MAPK3: variants seen among roughly 807,000 people sequenced by gnomAD.
MAPK3 encodes mitogen-activated protein kinase 3.
A neutral mutation model predicts 41.8 loss-of-function variants in MAPK3; 30 were observed. The observed-to-expected ratio is 0.72, with a 90% CI of 0.54 to 0.97. MAPK3 has a LOEUF of 0.97. Ranked by LOEUF, MAPK3 falls within the 50% of genes least tolerant of loss-of-function variation. The pLI, the probability that MAPK3 is intolerant of heterozygous loss-of-function variation, is 0.00. For synonymous variants in MAPK3, 222 were observed against 213.4 expected, an observed-to-expected ratio of 1.04 and a Z score of -0.35; for missense variants, 413 against 509.9, an observed-to-expected ratio of 0.81 and a Z score of 1.83.
At position 30,116,916 on chromosome 16, in the gene MAPK3, T is replaced by TA; in HGVS notation, c.994_995insT (p.Gln332LeufsTer4). ...CACCTCATCCGTCGGGTCATAGTAC[T>TA]GCTCCAGGTAGGGGTGAGCCAGCGC... On this transcript the variant is annotated frameshift_variant, in exon 7 of 9. Coordinates refer to ENST00000263025, the MANE Select transcript of MAPK3 (RefSeq NM_002746.3). LOFTEE classifies it high-confidence loss of function. 9.3e-6 allele frequency: 15 copies of TA among 1,613,964 alleles called. No homozygotes were observed. The highest frequency in any genetic ancestry group is 1.3e-5 in the Non-Finnish European group (15 of 1,179,952).
At chr16:30,122,554 A>C in intron 1 of MAPK3, 1 of 173,636 alleles carries the variant, frequency 5.8e-6, no homozygotes, top group Non-Finnish European at 1.3e-5. Context: ...TGGCCGCCTC[A>C]TCTCTCTCTG....
Position 30,117,210 on chromosome 16 carries a change from A to G in MAPK3, c.851T>C (p.Leu284Pro). 6.2e-7 allele frequency: 1 copy of G among 1,614,136 alleles called. No individual in the cohort carries two copies. The highest frequency in any genetic ancestry group is 8.5e-7 in the Non-Finnish European group (1 of 1,180,004). The change falls in exon 6 of 9, where the codon CTG becomes CCG. Residue 284 changes from leucine (L) to proline (P), a missense_variant. By Grantham distance (98) the Leu-to-Pro change is moderately conservative. Coordinates refer to ENST00000263025, the MANE Select transcript of MAPK3 (RefSeq NM_002746.3). The part of the protein sequence containing the change: ...NMKARNYLQS[L>P]PSKTKVAWAK... Reference sequence around the variant, plus strand: ...CCAAGCCACCTTGGTCTTGGAGGGCAGAGACTGTAGGTAGTTTCGGGCCTT... The same window carrying G: ...CCAAGCCACCTTGGTCTTGGAGGGCGGAGACTGTAGGTAGTTTCGGGCCTT...
intron 1 of MAPK3, 132 bp downstream of exon 1, chr16:30,122,908 A>C: frequency 1.7e-5 from 13 of 762,574 alleles, no homozygotes; most frequent in Admixed American, 4.3e-5. Context: ...GACGCTCCCG[A>C]TCATCCCGAG....
chr16:30,122,301 T>G (rs934647286), intron 1 of MAPK3: 9 of 446,286 alleles, frequency 2.0e-5, no homozygotes, highest in East Asian at 9.1e-5. Flanking sequence ...TTCGCCCCCA[T>G]TCCCAGGAAA....
Position 30,121,836 on chromosome 16 carries a change from G to A in MAPK3, c.341C>T (p.Ala114Val), listed in dbSNP as rs61736373. The part of the protein sequence containing the change: ...RDILRASTLE[A>V]MRDVYIVQDL... Reference sequence around the variant, plus strand: ...AGGTGAAGGATACACATCTCTCATGGCTTCCAGGGTGGACGCCCGCAGAAT... The same window carrying A: ...AGGTGAAGGATACACATCTCTCATGACTTCCAGGGTGGACGCCCGCAGAAT... Residue 114 changes from alanine (A) to valine (V), a missense_variant, in exon 2 of 9, where the codon GCC (alanine) becomes GTC (valine). By Grantham distance (64) the Ala-to-Val change is moderately conservative. Coordinates refer to ENST00000263025, the MANE Select transcript of MAPK3 (RefSeq NM_002746.3). The A allele has an allele frequency of 6.2e-7, 1 of 1,614,002 alleles. No individual in the cohort carries two copies. Among genetic ancestry groups the A allele is most frequent in the Non-Finnish European group, 8.5e-7 (1 of 1,179,990 alleles).
intron 2 of MAPK3, among the ~76,000 whole-genome samples, chr16:30,120,547 A>G (rs1012100947): frequency 3.9e-5 from 6 of 152,158 alleles, no homozygotes; most frequent in African/African-American, 1.4e-4. Context: ...GCAAGGTGCA[A>G]GTCCACAGGT....
In MAPK3 at chr16:30,121,923, G is replaced by A. The variant is rs1375850297; in HGVS notation, c.254C>T (p.Thr85Met). ...CAGCAGGATCTGGATCTCCCGGAGC[G>A]TGCGCTGGCAGTAGGTCTGATGTTC... is the stretch of plus-strand genomic sequence containing the variant. Reference protein sequence around the residue: ...PFEHQTYCQRTLREIQILLRF... With the variant: ...PFEHQTYCQRMLREIQILLRF... The change falls in exon 2 of 9, where the codon ACG becomes ATG. Residue 85 changes from threonine (T) to methionine (M), a missense_variant. Transcript: ENST00000263025. 11 of 1,614,040 alleles carry A rather than the reference G, an allele frequency of 6.8e-6. No individual in the cohort carries two copies. Among genetic ancestry groups the A allele is most frequent in the African/African-American group, 1.3e-5 (1 of 74,926 alleles).
chr16:30,117,988 A>G (rs757058058), intron 4 of MAPK3, 59 bp downstream of exon 4: 2 of 1,467,868 alleles, frequency 1.4e-6, no homozygotes, highest in Admixed American at 3.4e-5. Context: ...GCTCAGAGGT[A>G]GCTCCAGGGC....
chr16:30,114,814 TG>T (rs903120979), intron 8 of MAPK3, 106 bp from the exon 9 acceptor site: 2 of 152,270 alleles, frequency 1.3e-5, no homozygotes, highest in African/African-American at 4.8e-5. Context: ...CTGGATAGGC[TG>T]GGTCTCAGTT....
At chr16:30,120,502 G>C (rs1480035334) in intron 2 of MAPK3, among the ~76,000 whole-genome samples, 1 of 152,096 alleles carries the variant, frequency 6.6e-6, no homozygotes, top group African/African-American at 2.4e-5. Flanking sequence ...GCAGTATTGG[G>C]GGAGGACAGC....
intron 1 of MAPK3, chr16:30,122,831 G>C (rs2073030019): frequency 6.6e-6 from 3 of 454,002 alleles, no homozygotes; most frequent in South Asian, 7.5e-5. Flanking sequence ...AAGCCTCCAA[G>C]CCTGCTCCCC....
intron 8 of MAPK3, among the ~76,000 whole-genome samples, chr16:30,115,169 T>A (rs1567353467): frequency 6.6e-6 from 1 of 151,794 alleles, no homozygotes; most frequent in Non-Finnish European, 1.5e-5. Flanking sequence ...CAGTGAGCTA[T>A]GATTGCACCA....
Position 30,117,303 on chromosome 16 carries a change from A to G in MAPK3, c.776-18T>C, listed in dbSNP as rs369647414. ...CAGGATGCCTGTGGATAAGGAGGTG[A>G]CTTGGTAAATGATCACCTCTTTCTT... On this transcript the variant is annotated intron_variant, in intron 5 of 8. Coordinates refer to ENST00000263025, the MANE Select transcript of MAPK3 (RefSeq NM_002746.3). 1 of 1,613,108 alleles carries G rather than the reference A, an allele frequency of 6.2e-7. No homozygotes were observed. Among genetic ancestry groups the G allele is most frequent in the Non-Finnish European group, 8.5e-7 (1 of 1,179,632 alleles).
At chr16:30,119,168 A>C (rs927600944) in intron 2 of MAPK3, among the ~76,000 whole-genome samples, 9 of 151,380 alleles carry the variant, frequency 5.9e-5, no homozygotes, top group South Asian at 2.1e-4. Context: ...AAAAAAAAAA[A>C]AAACCTACAA....
In MAPK3 at chr16:30,116,770, G is replaced by A; in HGVS notation, c.1038C>T (p.Phe346=). 3 of 1,613,980 alleles carry A rather than the reference G, an allele frequency of 1.9e-6. No individual in the cohort carries two copies. The highest frequency in any genetic ancestry group is 2.5e-6 in the Non-Finnish European group (3 of 1,180,000). ...PTDEPVAEEP[F]TFAMELDDLP... is the part of the protein sequence containing the mutation. ...GGTCATCCAGCTCCATGGCGAAGGTGAAGGGCTCCTCGGCCACTGGCTGGG... is the reference window on the plus strand; with the variant it reads ...GGTCATCCAGCTCCATGGCGAAGGTAAAGGGCTCCTCGGCCACTGGCTGGG... The change falls in exon 8 of 9, where the codon TTC becomes TTT. Residue 346 remains phenylalanine, a synonymous_variant. Coordinates refer to ENST00000263025, the MANE Select transcript of MAPK3 (RefSeq NM_002746.3).
At chr16:30,116,561 T>A (rs1179702968) in intron 8 of MAPK3, 75 bp downstream of exon 8, 1 of 1,434,408 alleles carries the variant, frequency 7.0e-7, no homozygotes, top group African/African-American at 1.4e-5. Context: ...CATGTACAGA[T>A]AGATATAGAT....
rs745793573 is a variant in MAPK3 at position 30,117,721 on chromosome 16, G to T, written c.724C>A (p.Arg242=). Reference sequence around the variant, plus strand: ...TAGTGCTTGCCAGGGAAGATGGGCCGGTTAGAGAGCATCTCAGCCAGAATG... The same window carrying T: ...TAGTGCTTGCCAGGGAAGATGGGCCTGTTAGAGAGCATCTCAGCCAGAATG... ...GCILAEMLSN[R]PIFPGKHYLD... Residue 242 remains arginine, a synonymous_variant, in exon 5 of 9, where the codon CGG becomes AGG. Coordinates refer to ENST00000263025, the MANE Select transcript of MAPK3 (RefSeq NM_002746.3). The T allele has an allele frequency of 6.2e-7, 1 of 1,614,086 alleles. No individual in the cohort carries two copies. Among genetic ancestry groups the T allele is most frequent in the Non-Finnish European group, 8.5e-7 (1 of 1,179,972 alleles).
At chr16:30,122,216 A>C in intron 1 of MAPK3, 1 of 601,894 alleles carries the variant, frequency 1.7e-6, no homozygotes, top group South Asian at 2.0e-5. Context: ...GTGACTTTAC[A>C]AACAGAGGAA....
At chr16:30,116,848 C>A (rs1567354350) in intron 7 of MAPK3, 46 bp downstream of exon 7, 1 of 1,613,192 alleles carries the variant, frequency 6.2e-7, no homozygotes, top group Admixed American at 1.7e-5. Flanking sequence ...TACGTGCCCC[C>A]CTGCTCCCCT....
Sources: gnomAD v4.1 joint callset for allele counts (sites outside exome capture counted in the v4.1 genomes callset) on GRCh38, gnomAD v4.1.1 for gene constraint, MANE v1.5 for transcripts, NCBI Gene and HGNC (gene_info 2026-07-23, HGNC 2026-07-21) for gene names.